Variants in LEF1 observed in about 807,000 individuals in gnomAD.
The protein encoded by LEF1 is lymphoid enhancer-binding factor 1.
LEF1 carries 14 observed loss-of-function variants against 51.2 expected under a neutral mutation model. That is an observed-to-expected ratio of 0.27 (90% CI 0.18 to 0.43). The LOEUF is 0.43. LEF1 is among the 20% of genes least tolerant of loss of function. The probability of loss-of-function intolerance (pLI) is 1.00; values close to 1 mark genes in which losing one functional copy is unlikely to be tolerated. For synonymous variants in LEF1, 185 were observed against 183.2 expected (o/e 1.01, Z -0.08); for missense variants, 386 against 512.0 (o/e 0.75, Z 2.37).
intron 3 of LEF1, among the ~76,000 whole-genome samples, chr4:108,130,897 T>G (rs1393613831): frequency 6.6e-6 from 1 of 152,158 alleles, no homozygotes; most frequent in Non-Finnish European, 1.5e-5. Flanking sequence ...AATATTAAAC[T>G]ACTGCATTTT....
chr4:108,120,730 A>C (rs547728527), intron 3 of LEF1, among the ~76,000 whole-genome samples: 3 of 152,228 alleles, frequency 2.0e-5, no homozygotes, highest in Non-Finnish European at 4.4e-5. Flanking sequence ...CCCAATGTTT[A>C]CCTGTTTCAT....
chr4:108,098,757 T>C (rs139785988), intron 3 of LEF1, among the ~76,000 whole-genome samples: 28 of 152,342 alleles, frequency 1.8e-4, no homozygotes, highest in African/African-American at 4.3e-4. Flanking sequence ...CATTTTTCTA[T>C]AGAACTTCTG....
chr4:108,107,885 T>C (rs1741275934), intron 3 of LEF1, among the ~76,000 whole-genome samples: 1 of 151,368 alleles, frequency 6.6e-6, no homozygotes, highest in Non-Finnish European at 1.5e-5. Context: ...AAAAGGACAA[T>C]TACCACATGA....
intron 8 of LEF1, among the ~76,000 whole-genome samples, chr4:108,075,704 T>C (rs1157477018): frequency 6.6e-6 from 1 of 152,252 alleles, no homozygotes; most frequent in Non-Finnish European, 1.5e-5. Flanking sequence ...GGACTGACTA[T>C]GTATGTCTTT....
chr4:108,103,469 C>G lies in LEF1; in HGVS notation c.415-14212G>C, dbSNP rs531817171. On this transcript the variant is annotated intron_variant, in intron 3 of 11. Transcript: ENST00000265165. ...GTTTTTCACCTTCCCCTTAATTTTC[C>G]AGTTTACGCTACAAATTTCTTCACG... Among the ~76,000 whole-genome samples the G allele has an allele frequency of 1.3e-4, 20 of 152,272 alleles. No homozygotes were observed. The South Asian group carries it at 4.1e-3, about 32-fold the overall frequency.
At chr4:108,135,220 A>G (rs1743180247) in intron 3 of LEF1, among the ~76,000 whole-genome samples, 1 of 152,182 alleles carries the variant, frequency 6.6e-6, no homozygotes, top group South Asian at 2.1e-4. Flanking sequence ...AAACATCCAG[A>G]ATGAGGGAAG....
At chr4:108,109,634 G>C (rs947900485) in intron 3 of LEF1, among the ~76,000 whole-genome samples, 9 of 152,210 alleles carry the variant, frequency 5.9e-5, no homozygotes, top group African/African-American at 1.9e-4. Context: ...AACATGTGAA[G>C]TGCTTAGAAT....
chr4:108,115,815 A>G (rs1438660929), intron 3 of LEF1, among the ~76,000 whole-genome samples: 1 of 151,004 alleles, frequency 6.6e-6, no homozygotes, highest in Non-Finnish European at 1.5e-5. Flanking sequence ...AGGCCCAGAG[A>G]GGTTAAAAGG....
At chr4:108,097,953 G>T (rs948468010) in intron 3 of LEF1, among the ~76,000 whole-genome samples, 3 of 152,170 alleles carry the variant, frequency 2.0e-5, no homozygotes, top group African/African-American at 2.4e-5. Flanking sequence ...CATCCAGAGA[G>T]CTCAGACCGG....
chr4:108,139,506 G>C (rs1235375953), intron 3 of LEF1, among the ~76,000 whole-genome samples: 1 of 152,224 alleles, frequency 6.6e-6, no homozygotes, highest in Admixed American at 6.5e-5. Flanking sequence ...AGATCACAGG[G>C]CAAGGTGCAG....
intron 1 of LEF1, chr4:108,166,386 C>T (rs1346980229): frequency 2.1e-6 from 3 of 1,451,354 alleles, no homozygotes; most frequent in South Asian, 2.8e-5. Context: ...TAGAAAGATG[C>T]CATTTAAGGA....
intron 7 of LEF1, among the ~76,000 whole-genome samples, chr4:108,079,117 A>C (rs1460903974): frequency 6.6e-6 from 1 of 152,220 alleles, no homozygotes; most frequent in African/African-American, 2.4e-5. Context: ...TTCCAGAAGA[A>C]AGTGCATTAA....
chr4:108,111,497 T>G (rs568241756), intron 3 of LEF1, among the ~76,000 whole-genome samples: 18 of 152,300 alleles, frequency 1.2e-4, no homozygotes, highest in African/African-American at 3.4e-4. Context: ...AAAAAGTGAT[T>G]CTTTATCTTT....
intron 3 of LEF1, among the ~76,000 whole-genome samples, chr4:108,157,480 A>G (rs1007355403): frequency 1.3e-5 from 2 of 152,160 alleles, no homozygotes; most frequent in East Asian, 3.9e-4. Flanking sequence ...TGAACATAAC[A>G]ATGACAATAA....
chr4:108,161,040 GCTC>G (rs1204895811), intron 3 of LEF1, among the ~76,000 whole-genome samples: 1 of 152,208 alleles, frequency 6.6e-6, no homozygotes, highest in African/African-American at 2.4e-5. Context: ...TGGTCACCAT[GCTC>G]CTGACACCCT....
At chr4:108,078,790 T>C (rs931418578) in intron 7 of LEF1, among the ~76,000 whole-genome samples, 1 of 151,964 alleles carries the variant, frequency 6.6e-6, no homozygotes, top group East Asian at 1.9e-4. Flanking sequence ...AGAATAGAGG[T>C]TCTTAACTTT....
intron 3 of LEF1, among the ~76,000 whole-genome samples, chr4:108,123,506 T>C (rs1742312791): frequency 7.1e-6 from 1 of 141,842 alleles, no homozygotes; most frequent in African/African-American, 2.7e-5. Flanking sequence ...CAAGATAGAA[T>C]CTGAAGCCTG....
Position 108,165,173 on chromosome 4 carries a change from T to G in LEF1, c.214-10A>C. On this transcript the variant is annotated splice_polypyrimidine_tract_variant and intron_variant, in intron 1 of 11. Coordinates refer to ENST00000265165, the MANE Select transcript of LEF1 (RefSeq NM_016269.5). ...GTGCTTGTCTGGCCACCTAACATCA[T>G]GAATCCCCACACCCAAAAGAAAGAA... 1.9e-6 allele frequency: 3 copies of G among 1,613,574 alleles called. No homozygotes were observed. Among genetic ancestry groups the G allele is most frequent in the Non-Finnish European group, 2.5e-6 (3 of 1,179,514 alleles).
rs879335332 is a variant in LEF1 at position 108,158,722 on chromosome 4, T to TA, written c.414+4845dup. Among the ~76,000 whole-genome samples, 334 of 144,176 alleles carry TA rather than the reference T, an allele frequency of 2.3e-3. 3 individuals carry two copies. The highest frequency in any genetic ancestry group is 0.021 in the Middle Eastern group (6 of 282). 94.6% of individuals were successfully genotyped at this position (144,176 alleles called of 152,430 possible). The stretch of plus-strand genomic sequence containing the variant: ...CCAAATGGTTCTGTCTAAAGAACAT[T>TA]AAAAAAAAAAAACTCATCCGCTACA... On this transcript the variant is annotated intron_variant, in intron 3 of 11. Coordinates refer to ENST00000265165, the MANE Select transcript of LEF1 (RefSeq NM_016269.5).
Sources: gnomAD v4.1 joint callset for allele counts (sites outside exome capture counted in the v4.1 genomes callset) on GRCh38, gnomAD v4.1.1 for gene constraint, MANE v1.5 for transcripts, NCBI Gene and HGNC (gene_info 2026-07-23, HGNC 2026-07-21) for gene names.